The following ZDHHC20 variants were observed in gnomAD, a reference collection of about 807,000 sequenced individuals.
ZDHHC20 encodes palmitoyltransferase ZDHHC20.
ZDHHC20 carries 43 observed loss-of-function variants against 57.8 expected under a neutral mutation model. The ratio of observed to expected loss-of-function variants is 0.74; its 90% CI spans 0.58 to 0.96. ZDHHC20 has a LOEUF of 0.96. ZDHHC20 is among the 40% of genes least tolerant of loss of function. ZDHHC20 has a pLI of 0.00. For missense variants in ZDHHC20, 391 were observed against 441.1 expected (o/e 0.89, Z 1.02); for synonymous variants, 157 against 153.0 (o/e 1.03, Z -0.19).
chr13:21,458,937 C>G, intron 1 of ZDHHC20, 117 bp downstream of exon 1: 2 of 719,706 alleles, frequency 2.8e-6, no homozygotes, highest in Non-Finnish European at 4.2e-6. Flanking sequence ...CGTTCGGGGC[C>G]GGACGCCCGG....
At chr13:21,447,264 A>G (rs1178536296) in intron 1 of ZDHHC20, among the ~76,000 whole-genome samples, 1 of 148,370 alleles carries the variant, frequency 6.7e-6, no homozygotes, top group Non-Finnish European at 1.5e-5. Context: ...TTGGACAGAT[A>G]GAAGATGTGA....
chr13:21,406,363 C>G (rs1347940723), intron 4 of ZDHHC20, among the ~76,000 whole-genome samples: 1 of 152,126 alleles, frequency 6.6e-6, no homozygotes, highest in African/African-American at 2.4e-5. Context: ...GCATTTCAAC[C>G]AGGTTTCTGT....
intron 1 of ZDHHC20, among the ~76,000 whole-genome samples, chr13:21,436,210 A>T (rs989408713): frequency 6.6e-6 from 1 of 152,258 alleles, no homozygotes; most frequent in African/African-American, 2.4e-5. Context: ...ATGGAGAAAC[A>T]TAGCACACAC....
At chr13:21,420,976 G>A (rs1010429036) in intron 3 of ZDHHC20, 85 bp downstream of exon 3, 24 of 1,058,992 alleles carry the variant, frequency 2.3e-5, no homozygotes, top group Admixed American at 4.1e-5. Context: ...CATGCATTAT[G>A]TAAAGTTTTA....
intron 1 of ZDHHC20, among the ~76,000 whole-genome samples, chr13:21,455,633 G>GGTGTGTGTGT (rs3070118): frequency 2.0e-4 from 30 of 148,184 alleles, no homozygotes; most frequent in African/African-American, 6.5e-4. Context: ...CCAGTGAAGT[G>GGTGTGTGTGT]GTGTGTGTGT....
chr13:21,389,705 C>T (rs2137709469), intron 8 of ZDHHC20, among the ~76,000 whole-genome samples: 1 of 152,274 alleles, frequency 6.6e-6, no homozygotes, highest in South Asian at 2.1e-4. Context: ...ATGACAGTGT[C>T]CACACCCTAT....
At chr13:21,412,495 CA>C (rs1879345194) in intron 4 of ZDHHC20, among the ~76,000 whole-genome samples, 1 of 151,864 alleles carries the variant, frequency 6.6e-6, no homozygotes, top group East Asian at 1.9e-4. Context: ...TACAAGTAAA[CA>C]AAAACAGAAG....
chr13:21,439,519 TCAAAACAAAA>T (rs779184103), intron 1 of ZDHHC20, among the ~76,000 whole-genome samples: 1 of 151,806 alleles, frequency 6.6e-6, no homozygotes, highest in Non-Finnish European at 1.5e-5. Flanking sequence ...ATACCCTGTC[TCAAAACAAAA>T]CAAAACAAAG....
intron 3 of ZDHHC20, among the ~76,000 whole-genome samples, chr13:21,415,697 CATG>C (rs1400688887): frequency 6.6e-6 from 1 of 152,188 alleles, no homozygotes; most frequent in Non-Finnish European, 1.5e-5. Context: ...TATTTCCTGA[CATG>C]ATGTGTCTCT....
At chr13:21,457,123 T>C (rs1884992809) in intron 1 of ZDHHC20, among the ~76,000 whole-genome samples, 1 of 152,246 alleles carries the variant, frequency 6.6e-6, no homozygotes, top group Non-Finnish European at 1.5e-5. Flanking sequence ...TTCATGTTCA[T>C]TTCTCCTTCT....
At chr13:21,388,385 A>T (rs1485863913) in intron 8 of ZDHHC20, among the ~76,000 whole-genome samples, 1 of 152,208 alleles carries the variant, frequency 6.6e-6, no homozygotes, top group Non-Finnish European at 1.5e-5. Context: ...AACTGAAGAA[A>T]GGGATCCTAG....
intron 1 of ZDHHC20, among the ~76,000 whole-genome samples, chr13:21,425,882 C>T (rs1017884639): frequency 6.6e-5 from 10 of 152,160 alleles, no homozygotes; most frequent in Non-Finnish European, 1.5e-4. Flanking sequence ...TTATCATTAA[C>T]GCTACAGTCA....
chr13:21,426,152 A>G (rs1881222843), intron 1 of ZDHHC20, among the ~76,000 whole-genome samples: 1 of 152,196 alleles, frequency 6.6e-6, no homozygotes, highest in Admixed American at 6.5e-5. Context: ...CCTCTGAATA[A>G]TCAAATACTG....
At chr13:21,410,792 T>TG (rs1879097971) in intron 4 of ZDHHC20, among the ~76,000 whole-genome samples, 1 of 152,198 alleles carries the variant, frequency 6.6e-6, no homozygotes, top group African/African-American at 2.4e-5. Flanking sequence ...CTTAGCTTGT[T>TG]GGGGTCTGTG....
At chr13:21,376,843 T>C in intron 12 of ZDHHC20, 188 bp from the exon 13 acceptor site, 1 of 360,582 alleles carries the variant, frequency 2.8e-6, no homozygotes, top group Non-Finnish European at 5.1e-6. Context: ...ATTACTGTCT[T>C]CCCCAGAAGC....
chr13:21,381,968 T>C (rs1475182986), intron 10 of ZDHHC20: 1 of 516,844 alleles, frequency 1.9e-6, no homozygotes, highest in Non-Finnish European at 3.9e-6. Context: ...AATGATTCAG[T>C]GATTTAGCGT....
Position 21,376,500 on chromosome 13 carries a change from C to T in ZDHHC20, c.*196G>A, listed in dbSNP as rs1872098316. 1 of 444,062 alleles carries T rather than the reference C, an allele frequency of 2.3e-6. No individual in the cohort carries two copies. Among genetic ancestry groups the T allele is most frequent in the South Asian group, 5.9e-5 (1 of 16,818 alleles). The allele number at this position is 444,062 out of a possible 1,614,324, so 27.5% of individuals were successfully genotyped here. On this transcript the variant is annotated 3_prime_UTR_variant, in exon 13 of 13. Transcript: ENST00000400590. ...GGACACTTAAGATTAAGGCATCATT[C>T]TGCTCTGGAGTAGTGCTTCTGTGAA...
At chr13:21,378,782 A>G (rs1872710710) in intron 11 of ZDHHC20, 44 bp from the exon 12 acceptor site, 2 of 1,179,906 alleles carry the variant, frequency 1.7e-6, no homozygotes, top group South Asian at 1.8e-5. Context: ...AAAAAAAAAA[A>G]AAAGAAGTAT....
At chr13:21,408,136 G>GT (rs747939480) in intron 4 of ZDHHC20, among the ~76,000 whole-genome samples, 6 of 152,140 alleles carry the variant, frequency 3.9e-5, no homozygotes, top group Non-Finnish European at 1.5e-5. Context: ...ATTTAAAGTA[G>GT]TTTTTTCTAA....
Sources: gnomAD v4.1 joint callset for allele counts (sites outside exome capture counted in the v4.1 genomes callset) on GRCh38, gnomAD v4.1.1 for gene constraint, MANE v1.5 for transcripts, NCBI Gene and HGNC (gene_info 2026-07-23, HGNC 2026-07-21) for gene names.